The following ASIC2 variants were observed in gnomAD, a reference collection of about 807,000 sequenced individuals.
ASIC2 encodes acid-sensing ion channel 2.
ASIC2 carries 25 observed loss-of-function variants against 57.3 expected under a neutral mutation model. That is an observed-to-expected ratio of 0.44 (90% confidence interval 0.32 to 0.61). ASIC2 has a LOEUF of 0.61. Among genes scored for constraint, ASIC2 ranks in the 20% least tolerant of loss-of-function variants. The pLI, the probability that ASIC2 is intolerant of heterozygous loss-of-function variation, is 0.06. For missense variants in ASIC2, 641 were observed against 738.1 expected (o/e 0.87, Z 1.52); for synonymous variants, 319 against 307.5 (o/e 1.04, Z -0.39).
intron 5 of ASIC2, 97 bp downstream of exon 5, chr17:33,025,829 T>C: frequency 8.1e-7 from 1 of 1,241,808 alleles, no homozygotes; most frequent in Non-Finnish European, 1.1e-6. Context: ...TCTCCATTCC[T>C]TCTTCCACTT....
At chr17:33,036,371 A>G (rs1281466207) in intron 3 of ASIC2, among the ~76,000 whole-genome samples, 1 of 152,108 alleles carries the variant, frequency 6.6e-6, no homozygotes, top group African/African-American at 2.4e-5. Flanking sequence ...CCCATAGGTC[A>G]AGGAAATCGA....
At chr17:33,577,442 G>A (rs1261570331) in intron 1 of ASIC2, among the ~76,000 whole-genome samples, 1 of 152,158 alleles carries the variant, frequency 6.6e-6, no homozygotes, top group African/African-American at 2.4e-5. Flanking sequence ...ATGGGATTCA[G>A]GTGCTGCTGA....
intron 1 of ASIC2, among the ~76,000 whole-genome samples, chr17:33,471,333 T>A (rs886755261): frequency 1.3e-5 from 2 of 152,096 alleles, no homozygotes; most frequent in Non-Finnish European, 2.9e-5. Context: ...GGGTTAGCTG[T>A]CGACTGATGA....
chr17:33,558,769 G>T (rs971529682), intron 1 of ASIC2, among the ~76,000 whole-genome samples: 13 of 152,018 alleles, frequency 8.6e-5, no homozygotes, highest in Non-Finnish European at 1.5e-4. Context: ...ATAATTTGTT[G>T]ACCCTGCCTG....
intron 1 of ASIC2, among the ~76,000 whole-genome samples, chr17:33,882,200 G>T (rs1235376190): frequency 6.6e-6 from 1 of 152,166 alleles, no homozygotes; most frequent in Admixed American, 6.5e-5. Context: ...ATAGGCATGG[G>T]CAAGGACTTC....
intron 1 of ASIC2, among the ~76,000 whole-genome samples, chr17:33,271,180 C>T (rs1340620517): frequency 6.6e-6 from 1 of 152,142 alleles, no homozygotes; most frequent in Admixed American, 6.5e-5. Flanking sequence ...CCTCCTACCT[C>T]CTTGACTGTT....
intron 1 of ASIC2, among the ~76,000 whole-genome samples, chr17:33,141,508 G>A (rs367638527): frequency 3.9e-4 from 60 of 152,204 alleles, no homozygotes; most frequent in Non-Finnish European, 7.5e-4. Context: ...TTCAAGCACA[G>A]AGCAAACACT....
At chr17:33,852,766 A>G (rs941468720) in intron 1 of ASIC2, among the ~76,000 whole-genome samples, 2 of 152,160 alleles carry the variant, frequency 1.3e-5, no homozygotes, top group Admixed American at 6.5e-5. Flanking sequence ...GGATACTCAA[A>G]GGGGCTCACA....
At chr17:33,473,877 G>A (rs1234344325) in intron 1 of ASIC2, among the ~76,000 whole-genome samples, 1 of 150,142 alleles carries the variant, frequency 6.7e-6, no homozygotes, top group Non-Finnish European at 1.5e-5. Flanking sequence ...GTACCCATGA[G>A]GGCACCCCCT....
At chr17:33,757,644 T>C (rs932522695) in intron 1 of ASIC2, among the ~76,000 whole-genome samples, 2 of 152,242 alleles carry the variant, frequency 1.3e-5, no homozygotes, top group East Asian at 1.9e-4. Flanking sequence ...CTGAGCCCCA[T>C]GTTTTATAGA....
intron 1 of ASIC2, among the ~76,000 whole-genome samples, chr17:33,764,120 T>A (rs1044831511): frequency 6.6e-6 from 1 of 152,092 alleles, no homozygotes; most frequent in African/African-American, 2.4e-5. Flanking sequence ...GGTGAAACCC[T>A]GTCTCTACTG....
intron 1 of ASIC2, among the ~76,000 whole-genome samples, chr17:33,910,934 C>T (rs951324990): frequency 6.6e-6 from 1 of 152,078 alleles, no homozygotes; most frequent in Admixed American, 6.5e-5. Flanking sequence ...AGAAACATGT[C>T]CCCAGGAAAA....
At chr17:34,075,260 C>G (rs1909592525) in intron 1 of ASIC2, among the ~76,000 whole-genome samples, 1 of 152,172 alleles carries the variant, frequency 6.6e-6, no homozygotes, top group Admixed American at 6.5e-5. Context: ...AGCTCTGATG[C>G]AGACTCCCAA....
rs79881632 is a variant in ASIC2 at position 33,672,985 on chromosome 17, G to A, written c.555+482993C>T. Among the ~76,000 whole-genome samples the A allele has an allele frequency of 6.2e-3, 938 of 152,372 alleles. 3 individuals carry two copies. Among genetic ancestry groups the A allele is most frequent in the Non-Finnish European group, 0.011 (718 of 68,042 alleles). On this transcript the variant is annotated intron_variant, in intron 1 of 9. Coordinates refer to the ASIC2 transcript ENST00000359872. ...TGCCACATATGTTACATAACGCCCAGCATGTAGCAAGTTGTTAGCAGGAAG... is the reference window on the plus strand; with the variant it reads ...TGCCACATATGTTACATAACGCCCAACATGTAGCAAGTTGTTAGCAGGAAG...
chr17:33,959,248 C>A (rs1904842670), intron 1 of ASIC2, among the ~76,000 whole-genome samples: 1 of 152,224 alleles, frequency 6.6e-6, no homozygotes, highest in African/African-American at 2.4e-5. Context: ...ACTGTTTCAA[C>A]CTCTGCCTGT....
At chr17:33,610,365 C>T (rs1369517538) in intron 1 of ASIC2, among the ~76,000 whole-genome samples, 3 of 152,108 alleles carry the variant, frequency 2.0e-5, no homozygotes, top group Non-Finnish European at 4.4e-5. Context: ...CCGTGTTGGC[C>T]AGGCTGGTCT....
At chr17:33,915,928 A>G (rs2141961884) in intron 1 of ASIC2, among the ~76,000 whole-genome samples, 1 of 152,314 alleles carries the variant, frequency 6.6e-6, no homozygotes, top group Non-Finnish European at 1.5e-5. Flanking sequence ...ACTCAAGAGC[A>G]TGATGTCCAG....
intron 1 of ASIC2, among the ~76,000 whole-genome samples, chr17:33,432,290 A>C (rs1004496910): frequency 6.6e-6 from 1 of 152,150 alleles, no homozygotes; most frequent in African/African-American, 2.4e-5. Flanking sequence ...CCCAGGTGGG[A>C]GGATTGCTTG....
At chr17:33,254,839 C>A (rs1405087369) in intron 1 of ASIC2, among the ~76,000 whole-genome samples, 2 of 151,828 alleles carry the variant, frequency 1.3e-5, no homozygotes, top group African/African-American at 2.4e-5. Flanking sequence ...TTAACTAATC[C>A]CCACACAGAC....
Sources: allele counts gnomAD v4.1 joint callset (sites outside exome capture counted in the v4.1 genomes callset), GRCh38; gene constraint gnomAD v4.1.1; transcripts MANE v1.5; gene names NCBI Gene and HGNC (gene_info 2026-07-23, HGNC 2026-07-21).